The following PRICKLE1 variants were observed in gnomAD, a reference collection of about 807,000 sequenced individuals.
PRICKLE1 encodes prickle-like protein 1.
A neutral mutation model predicts 70.2 loss-of-function variants in PRICKLE1; 14 were observed. That is an observed-to-expected ratio of 0.20 (90% CI 0.13 to 0.31). The LOEUF (loss-of-function observed/expected upper bound fraction) is 0.31, where lower values mean the gene tolerates loss of function less well. Among genes scored for constraint, PRICKLE1 ranks in the 10% least tolerant of loss-of-function variants. The pLI, the probability that PRICKLE1 is intolerant of heterozygous loss-of-function variation, is 1.00. For synonymous variants in PRICKLE1, 357 were observed against 379.9 expected, an observed-to-expected ratio of 0.94 and a Z score of 0.70; for missense variants, 821 against 1,026.2, an observed-to-expected ratio of 0.80 and a Z score of 2.73.
rs1937988039 is a variant in PRICKLE1 at position 42,464,320 on chromosome 12, T to A, written c.1639+75A>T. 2 of 1,593,554 alleles carry A rather than the reference T, an allele frequency of 1.3e-6. No homozygotes were observed. Among genetic ancestry groups the A allele is most frequent in the Non-Finnish European group, 8.6e-7 (1 of 1,162,926 alleles). On this transcript the variant is annotated intron_variant, in intron 7 of 7. Transcript: ENST00000345127. The surrounding 1 kb of genome is among the most constrained non-coding windows in gnomAD (Gnocchi z 4.2). ...ATAGGCATGAGCCACTGCGCCTGGC[T>A]TGAATTGCAATTTTTTGAATACACT...
At chr12:42,588,977 G>C (rs886184411) in intron 1 of PRICKLE1, among the ~76,000 whole-genome samples, 1 of 152,156 alleles carries the variant, frequency 6.6e-6, no homozygotes, top group African/African-American at 2.4e-5. Flanking sequence ...GGGTTGGGGA[G>C]AGTGGTGGGA....
intron 1 of PRICKLE1, among the ~76,000 whole-genome samples, chr12:42,498,779 T>C (rs1939254400): frequency 6.6e-6 from 1 of 152,192 alleles, no homozygotes; most frequent in South Asian, 2.1e-4. Flanking sequence ...GTAGAACTGG[T>C]AGTTTCCACC....
intron 1 of PRICKLE1, among the ~76,000 whole-genome samples, chr12:42,485,923 C>T (rs1335143039): frequency 6.6e-6 from 1 of 152,186 alleles, no homozygotes; most frequent in African/African-American, 2.4e-5. Flanking sequence ...GAGACAGTTG[C>T]AAGCTTCCTA....
Position 42,468,635 on chromosome 12 carries a change from T to G in PRICKLE1, c.579A>C (p.Ala193=), listed in dbSNP as rs752826795. 2 of 1,614,024 alleles carry G rather than the reference T, an allele frequency of 1.2e-6. No individual in the cohort carries two copies. Among genetic ancestry groups the G allele is most frequent in the Non-Finnish European group, 1.7e-6 (2 of 1,179,944 alleles). ...HAELLKPRCS[A]CDEIIFADEC... ...ATGAACTTTTTTTTACCTCGTCACA[T>G]GCTGAGCACCGTGGTTTGAGCAGTT... Residue 193 remains alanine (A), a synonymous_variant, in exon 5 of 8, where the codon GCA becomes GCC. Coordinates refer to ENST00000345127, the MANE Select transcript of PRICKLE1 (RefSeq NM_153026.3).
chr12:42,470,028 C>T (rs572767166), intron 3 of PRICKLE1: 12 of 544,948 alleles, frequency 2.2e-5, no homozygotes, highest in Non-Finnish European at 3.6e-5. Context: ...TGGCTGCAAA[C>T]ACTATAAAAA....
intron 1 of PRICKLE1, among the ~76,000 whole-genome samples, chr12:42,490,777 A>T (rs2140170161): frequency 6.6e-6 from 1 of 152,312 alleles, no homozygotes; most frequent in East Asian, 1.9e-4. Context: ...CTTAGCCCTG[A>T]TGTAAGCTCT....
chr12:42,496,633 C>T (rs1939206653), intron 1 of PRICKLE1, among the ~76,000 whole-genome samples: 1 of 152,246 alleles, frequency 6.6e-6, no homozygotes. Context: ...GTGATCTTAG[C>T]TGGATCTTCC....
intron 1 of PRICKLE1, among the ~76,000 whole-genome samples, chr12:42,481,610 G>C (rs1328651464): frequency 6.6e-6 from 1 of 152,192 alleles, no homozygotes; most frequent in Non-Finnish European, 1.5e-5. Flanking sequence ...GTGCATGGAA[G>C]ATGCAGATCA....
chr12:42,464,912 T>C lies in PRICKLE1; in HGVS notation c.1122A>G (p.Lys374=). 1 of 1,614,148 alleles carries C rather than the reference T, an allele frequency of 6.2e-7. No individual in the cohort carries two copies. Among genetic ancestry groups the C allele is most frequent in the Non-Finnish European group, 8.5e-7 (1 of 1,180,016 alleles). The change falls in exon 7 of 8, where the codon AAA becomes AAG. Residue 374 remains lysine (K), a synonymous_variant. Coordinates refer to ENST00000345127, the MANE Select transcript of PRICKLE1 (RefSeq NM_153026.3). This position sits in a 1 kb window ranked among gnomAD's most constrained non-coding sequence, Gnocchi z 4.2. The stretch of plus-strand genomic sequence containing the variant: ...GTCTGGAGAGACTCAGATCATCCAA[T>C]TTTCGAGAAAGGGTGTCATCAGCAT... ...SGNADDTLSR[K]LDDLSLSRQG...
chr12:42,473,802 T>A lies in PRICKLE1; in HGVS notation c.-48-1238A>T, dbSNP rs1449475917. On this transcript the variant is annotated intron_variant, in intron 1 of 7. Coordinates refer to ENST00000345127, the MANE Select transcript of PRICKLE1 (RefSeq NM_153026.3). Reference sequence around the variant, plus strand: ...ACTTCCAAAAATTCTTCTGCCTCAATAAACATTCTTCCATCTCAGGAAGGA... The same window carrying A: ...ACTTCCAAAAATTCTTCTGCCTCAAAAAACATTCTTCCATCTCAGGAAGGA... Among the ~76,000 whole-genome samples the A allele has an allele frequency of 2.7e-5, 4 of 147,918 alleles. No individual in the cohort carries two copies. The East Asian group carries it at 7.9e-4, about 29-fold the overall frequency.
chr12:42,490,233 A>G (rs1243748280), intron 1 of PRICKLE1, among the ~76,000 whole-genome samples: 1 of 152,212 alleles, frequency 6.6e-6, no homozygotes, highest in East Asian at 1.9e-4. Context: ...AGGTGGGGTG[A>G]CATTTGAGCT....
intron 1 of PRICKLE1, among the ~76,000 whole-genome samples, chr12:42,530,328 C>T (rs1939888622): frequency 6.6e-6 from 1 of 152,078 alleles, no homozygotes; most frequent in African/African-American, 2.4e-5. Context: ...TTTTTTATTT[C>T]ATATGAAACA....
At chr12:42,502,500 G>A (rs899462259) in intron 1 of PRICKLE1, among the ~76,000 whole-genome samples, 2 of 151,666 alleles carry the variant, frequency 1.3e-5, no homozygotes, top group African/African-American at 4.8e-5. Context: ...TGTAGAGACA[G>A]GTGTCTCACT....
At chr12:42,537,061 T>A (rs1940027060) in intron 1 of PRICKLE1, among the ~76,000 whole-genome samples, 1 of 152,140 alleles carries the variant, frequency 6.6e-6, no homozygotes. Flanking sequence ...CCTATTTAGG[T>A]GTTGCTAAAT....
chr12:42,553,659 C>T (rs1297517311), intron 1 of PRICKLE1, among the ~76,000 whole-genome samples: 1 of 152,058 alleles, frequency 6.6e-6, no homozygotes, highest in Non-Finnish European at 1.5e-5. Context: ...ATAGCAGGCA[C>T]TCTGAATGTG....
intron 1 of PRICKLE1, among the ~76,000 whole-genome samples, chr12:42,554,475 C>G (rs1940380909): frequency 6.6e-6 from 1 of 152,176 alleles, no homozygotes; most frequent in South Asian, 2.1e-4. Context: ...CATTGATTTC[C>G]CTCGTTATCT....
At chr12:42,472,293 C>A in intron 2 of PRICKLE1, 92 bp downstream of exon 2, 1 of 1,393,826 alleles carries the variant, frequency 7.2e-7, no homozygotes, top group South Asian at 1.2e-5. Flanking sequence ...TCCAGCATCT[C>A]AGTGATGTTC....
intron 1 of PRICKLE1, among the ~76,000 whole-genome samples, chr12:42,488,808 T>C (rs1360141255): frequency 1.3e-5 from 2 of 152,166 alleles, no homozygotes; most frequent in Admixed American, 1.3e-4. Flanking sequence ...ACCAGTAGTA[T>C]GGTTTCCAGG....
intron 1 of PRICKLE1, among the ~76,000 whole-genome samples, chr12:42,552,716 T>A (rs1005690778): frequency 6.6e-6 from 1 of 152,222 alleles, no homozygotes; most frequent in Non-Finnish European, 1.5e-5. Flanking sequence ...ATTAGGAACG[T>A]ATGTAAAGAC....
Sources: gnomAD v4.1 joint callset for allele counts (sites outside exome capture counted in the v4.1 genomes callset) on GRCh38, gnomAD v4.1.1 for gene constraint, Gnocchi (gnomAD v3.1) non-coding constraint, MANE v1.5 for transcripts, NCBI Gene and HGNC (gene_info 2026-07-23, HGNC 2026-07-21) for gene names.